Variants in PCDHGA10 observed in about 807,000 individuals in gnomAD.
PCDHGA10 encodes the protein protocadherin gamma subfamily A, 10, also known as protocadherin gamma-A10.
A neutral mutation model predicts 59.5 loss-of-function variants in PCDHGA10; 42 were observed. That is an observed-to-expected ratio of 0.71 (90% CI 0.55 to 0.91). The LOEUF is 0.91. Among genes scored for constraint, PCDHGA10 ranks in the 40% least tolerant of loss-of-function variants. PCDHGA10 has a pLI of 0.00. For missense variants in PCDHGA10, 1,111 were observed against 1,198.2 expected (o/e 0.93, Z 1.07); for synonymous variants, 511 against 517.2 (o/e 0.99, Z 0.16).
rs377367120 is a variant in PCDHGA10, at chr5:141,431,614, C to A, written c.2436+16003C>A. On this transcript the variant is annotated intron_variant, in intron 1 of 3. Transcript: ENST00000398610. The surrounding 1 kb of genome is among the most constrained non-coding windows in gnomAD (Gnocchi z 4.8). ...TGAGGTATTCCTTCCGGTATGTGGA[C>A]GACAAGGCGGCCCAAGTTTTCAAAC... The A allele has an allele frequency of 8.7e-6, 14 of 1,614,206 alleles. No individual in the cohort carries two copies. In the African/African-American group the frequency reaches 1.6e-4, roughly 18 times the overall value.
chr5:141,414,186 G>C lies in PCDHGA10; in HGVS notation c.1011G>C (p.Val337=). The change falls in exon 1 of 4, where the codon GTG becomes GTC. Residue 337 remains valine, a synonymous_variant. Transcript: ENST00000398610. ...DGGAYLATAK[V]LITVEDVNDN... is the part of the protein sequence containing the mutation. ...GAGCATATCTTGCAACTGCAAAAGT[G>C]TTGATTACAGTAGAAGATGTAAATG... 1 of 1,609,824 alleles carries C rather than the reference G, an allele frequency of 6.2e-7. No homozygotes were observed. The highest frequency in any genetic ancestry group is 8.5e-7 in the Non-Finnish European group (1 of 1,177,832).
chr5:141,476,756 C>T lies in PCDHGA10; in HGVS notation c.2437-18051C>T. On this transcript the variant is annotated intron_variant, in intron 1 of 3. Transcript: ENST00000398610. The surrounding 1 kb of genome is among the most constrained non-coding windows in gnomAD (Gnocchi z 7.6). ...ACGGGAGCCTAGTCTCCAGTTAGTGCTGACGGCGTTGGACGGAGGGACCCC... is the reference window on the plus strand; with the variant it reads ...ACGGGAGCCTAGTCTCCAGTTAGTGTTGACGGCGTTGGACGGAGGGACCCC... 3 of 1,613,928 alleles carry T rather than the reference C, an allele frequency of 1.9e-6. No homozygotes were observed. Among genetic ancestry groups the T allele is most frequent in the Non-Finnish European group, 2.5e-6 (3 of 1,180,010 alleles).
chr5:141,422,409 A>G, intron 1 of PCDHGA10: 1 of 1,601,728 alleles, frequency 6.2e-7, no homozygotes. Flanking sequence ...TGCCTTTTAA[A>G]TTAGAAAAGA....
intron 2 of PCDHGA10, among the ~76,000 whole-genome samples, chr5:141,496,748 C>T (rs1382244657): frequency 6.6e-6 from 1 of 152,130 alleles, no homozygotes; most frequent in African/African-American, 2.4e-5. Flanking sequence ...ATTTATTCAA[C>T]AAATATTTAT....
chr5:141,491,071 C>A lies in PCDHGA10; in HGVS notation c.2437-3736C>A, dbSNP rs987564933. ...TGCGTGGCTCTCCTACTCACTGTTG[C>A]CACAGTCCACAGCCCCAGGACTGTT... On this transcript the variant is annotated intron_variant, in intron 1 of 3. Transcript: ENST00000398610. This position sits in a 1 kb window ranked among gnomAD's most constrained non-coding sequence, Gnocchi z 6.9. 2 of 1,614,034 alleles carry A rather than the reference C, an allele frequency of 1.2e-6. No individual in the cohort carries two copies. The highest frequency in any genetic ancestry group is 1.7e-6 in the Non-Finnish European group (2 of 1,180,036).
rs1227487225 is a variant in PCDHGA10, at chr5:141,491,275, G to C, written c.2437-3532G>C. The C allele has an allele frequency of 2.5e-6, 4 of 1,614,082 alleles. 1 individual carries two copies. In the South Asian group the frequency reaches 4.4e-5, roughly 18 times the overall value. On this transcript the variant is annotated intron_variant, in intron 1 of 3. Transcript: ENST00000398610. This position sits in a 1 kb window ranked among gnomAD's most constrained non-coding sequence, Gnocchi z 6.9. Reference sequence around the variant, plus strand: ...CCCTGAGGAAATGCCCAAATCCAGTGACTTCCTCATACACCCTCCTGAGCG... The same window carrying C: ...CCCTGAGGAAATGCCCAAATCCAGTCACTTCCTCATACACCCTCCTGAGCG...
rs1433429634 is a variant in PCDHGA10 at position 141,486,311 on chromosome 5, G to T, written c.2437-8496G>T. 1.2e-6 allele frequency: 2 copies of T among 1,613,956 alleles called. No homozygotes were observed. Among genetic ancestry groups the T allele is most frequent in the African/African-American group, 2.7e-5 (2 of 74,892 alleles). On this transcript the variant is annotated intron_variant, in intron 1 of 3. Transcript: ENST00000398610. The surrounding 1 kb of genome is among the most constrained non-coding windows in gnomAD (Gnocchi z 5.0). The stretch of plus-strand genomic sequence containing the variant: ...TATCAGTGTGCAGGATCCAGACTCA[G>T]GGTCAAACGGAGATGTGAGCCTCCG...
chr5:141,489,381 T>A lies in PCDHGA10; in HGVS notation c.2437-5426T>A. 1 of 1,613,894 alleles carries A rather than the reference T, an allele frequency of 6.2e-7. No homozygotes were observed. The highest frequency in any genetic ancestry group is 8.5e-7 in the Non-Finnish European group (1 of 1,179,802). ...CTGAGCCGGGGACGCTGGTGGGGAATGTTGCTCAGGATCTGGGCTTAAAGA... is the reference window on the plus strand; with the variant it reads ...CTGAGCCGGGGACGCTGGTGGGGAAAGTTGCTCAGGATCTGGGCTTAAAGA... On this transcript the variant is annotated intron_variant, in intron 1 of 3. Transcript: ENST00000398610. The surrounding 1 kb of genome is among the most constrained non-coding windows in gnomAD (Gnocchi z 4.5).
chr5:141,500,870 A>C (rs2099803097), intron 2 of PCDHGA10, among the ~76,000 whole-genome samples: 1 of 139,794 alleles, frequency 7.2e-6, no homozygotes, highest in African/African-American at 2.8e-5. Context: ...ATACACATTC[A>C]TTTACAATTT....
At position 141,486,634 on chromosome 5, in the gene PCDHGA10, T is replaced by C; in HGVS notation, c.2437-8173T>C. 1 of 1,613,762 alleles carries C rather than the reference T, an allele frequency of 6.2e-7. No individual in the cohort carries two copies. The highest frequency in any genetic ancestry group is 8.5e-7 in the Non-Finnish European group (1 of 1,180,044). ...CCTCTGACCCAGACTCTGGCTTGAA[T>C]GCGCTTATCTCCTACTCACTCCTGG... On this transcript the variant is annotated intron_variant, in intron 1 of 3. Coordinates refer to ENST00000398610, the MANE Select transcript of PCDHGA10 (RefSeq NM_018913.3). The surrounding 1 kb of genome is among the most constrained non-coding windows in gnomAD (Gnocchi z 5.0).
chr5:141,445,545 A>G (rs1422837499), intron 1 of PCDHGA10, among the ~76,000 whole-genome samples: 2 of 152,256 alleles, frequency 1.3e-5, no homozygotes, highest in Non-Finnish European at 2.9e-5. Context: ...AAGGAGAAAT[A>G]CAAAAGCACT....
chr5:141,470,870 G>GT (rs1230952624), intron 1 of PCDHGA10, among the ~76,000 whole-genome samples: 1 of 151,546 alleles, frequency 6.6e-6, no homozygotes, highest in Non-Finnish European at 1.5e-5. Context: ...TTGTTTGTTT[G>GT]TTTTTTTGTT....
chr5:141,421,149 C>T (rs1030911066), intron 1 of PCDHGA10: 1 of 1,086,106 alleles, frequency 9.2e-7, no homozygotes, highest in Non-Finnish European at 1.3e-6. Context: ...ATGTAGTCGG[C>T]CTAGGACTTC....
chr5:141,426,722 T>G (rs1022367359), intron 1 of PCDHGA10: 1 of 447,734 alleles, frequency 2.2e-6, no homozygotes, highest in Non-Finnish European at 4.6e-6. Context: ...AACTAGCAAT[T>G]CCAGGCATTC....
intron 1 of PCDHGA10, among the ~76,000 whole-genome samples, chr5:141,481,863 G>A (rs182704348): frequency 8.8e-4 from 130 of 147,602 alleles, no homozygotes; most frequent in African/African-American, 3.3e-3. Flanking sequence ...GCAGTGAGCC[G>A]AGATCGCGCC....
At position 141,463,977 on chromosome 5, in the gene PCDHGA10, T is replaced by C. The variant is rs948698340; in HGVS notation, c.2437-30830T>C. On this transcript the variant is annotated intron_variant, in intron 1 of 3. Coordinates refer to ENST00000398610, the MANE Select transcript of PCDHGA10 (RefSeq NM_018913.3). ...TTTAAAATAGCTTCATAAAACTCCA[T>C]TGTAAAAACCAGGTGCAGTGGCTCA... Among the ~76,000 whole-genome samples the C allele has an allele frequency of 2.6e-5, 4 of 152,258 alleles. 1 individual carries two copies. The highest frequency in any genetic ancestry group is 4.4e-5 in the Non-Finnish European group (3 of 68,004).
At chr5:141,444,531 C>T (rs1021207516) in intron 1 of PCDHGA10, among the ~76,000 whole-genome samples, 2 of 152,100 alleles carry the variant, frequency 1.3e-5, no homozygotes, top group Non-Finnish European at 1.5e-5. Context: ...GAGACAGTGA[C>T]TGTGTCTAGT....
chr5:141,449,630 T>G (rs1006977026), intron 1 of PCDHGA10, among the ~76,000 whole-genome samples: 2 of 150,024 alleles, frequency 1.3e-5, no homozygotes, highest in Non-Finnish European at 3.0e-5. Flanking sequence ...TTTAAAAAGA[T>G]GTATCTATAT....
chr5:141,497,693 C>T (rs2099778709), intron 2 of PCDHGA10, among the ~76,000 whole-genome samples: 2 of 152,136 alleles, frequency 1.3e-5, no homozygotes, highest in Admixed American at 6.5e-5. Context: ...GTGTGCACCA[C>T]CACACCCAGC....
Sources: gnomAD v4.1 joint callset for allele counts (sites outside exome capture counted in the v4.1 genomes callset) on GRCh38, gnomAD v4.1.1 for gene constraint, Gnocchi (gnomAD v3.1) non-coding constraint, MANE v1.5 for transcripts, NCBI Gene and HGNC (gene_info 2026-07-23, HGNC 2026-07-21) for gene names.